The following AGMO variants were observed in gnomAD, a reference collection of about 807,000 sequenced individuals.
The protein encoded by AGMO is glyceryl-ether monooxygenase.
Under a neutral mutation model 60.2 loss-of-function variants are expected in AGMO, and 75 were observed. That is an observed-to-expected ratio of 1.25 (90% CI 1.03 to 1.51). The LOEUF (loss-of-function observed/expected upper bound fraction) is 1.51. Among genes scored for constraint, AGMO ranks in the 40% most tolerant of loss-of-function variants. The probability of loss-of-function intolerance (pLI) is 0.00; values close to 1 mark genes in which losing one functional copy is unlikely to be tolerated. For missense variants in AGMO, 763 were observed against 525.5 expected (o/e 1.45, Z -4.42); for synonymous variants, 261 against 177.1 (o/e 1.47, Z -3.76).
intron 3 of AGMO, among the ~76,000 whole-genome samples, chr7:15,497,611 A>G (rs1783267109): frequency 6.6e-6 from 1 of 152,034 alleles, no homozygotes. Context: ...ATTACAACAC[A>G]GTGTGTGTGC....
intron 3 of AGMO, among the ~76,000 whole-genome samples, chr7:15,507,153 G>C (rs2128528265): frequency 6.6e-6 from 1 of 152,058 alleles, no homozygotes; most frequent in South Asian, 2.1e-4. Flanking sequence ...AGTACAAACT[G>C]CTACAAAAGT....
intron 3 of AGMO, among the ~76,000 whole-genome samples, chr7:15,462,953 G>C (rs1239873430): frequency 6.6e-6 from 1 of 152,108 alleles, no homozygotes; most frequent in Non-Finnish European, 1.5e-5. Context: ...AGGTTGTTTG[G>C]ATTCCCCAGG....
chr7:15,516,333 T>C lies in AGMO; in HGVS notation c.409+28439A>G, dbSNP rs117123837. On this transcript the variant is annotated intron_variant, in intron 3 of 12. Transcript: ENST00000342526. ...ATATTTTTTAAATGATTCATTTCTATTTTACGGTAAAAATGAATTCATCAC... is the reference window on the plus strand; with the variant it reads ...ATATTTTTTAAATGATTCATTTCTACTTTACGGTAAAAATGAATTCATCAC... 6.1e-3 allele frequency among the ~76,000 whole-genome samples: 933 copies of C among 152,302 alleles called. 4 individuals carry two copies. Among genetic ancestry groups the C allele is most frequent in the Non-Finnish European group, 9.7e-3 (663 of 68,020 alleles).
At chr7:15,499,163 G>C (rs1783312803) in intron 3 of AGMO, among the ~76,000 whole-genome samples, 1 of 151,802 alleles carries the variant, frequency 6.6e-6, no homozygotes, top group Non-Finnish European at 1.5e-5. Flanking sequence ...GCACATTTCT[G>C]CCTGTCTTTT....
chr7:15,391,868 G>C (rs1001903075), intron 6 of AGMO, among the ~76,000 whole-genome samples: 3 of 152,136 alleles, frequency 2.0e-5, no homozygotes, highest in Admixed American at 2.0e-4. Context: ...GTGGGGGCCA[G>C]TGACGTTGCT....
intron 5 of AGMO, among the ~76,000 whole-genome samples, chr7:15,417,750 G>T (rs1271092470): frequency 6.6e-6 from 1 of 152,138 alleles, no homozygotes; most frequent in African/African-American, 2.4e-5. Flanking sequence ...GCACTTTGTT[G>T]TATCAAGATT....
At chr7:15,494,592 A>G (rs530703279) in intron 3 of AGMO, among the ~76,000 whole-genome samples, 3 of 152,346 alleles carry the variant, frequency 2.0e-5, no homozygotes, top group East Asian at 1.9e-4. Context: ...CATGTGCCAC[A>G]TGGGAGAAGC....
chr7:15,173,121 A>C, the AGMO span, among the ~76,000 whole-genome samples: 1 of 152,164 alleles, frequency 6.6e-6, no homozygotes, highest in Non-Finnish European at 1.5e-5. Context: ...TATTGAAGTA[A>C]ATCTATTGAA....
At chr7:15,192,040 G>A in the AGMO span, among the ~76,000 whole-genome samples, 67 of 151,472 alleles carry the variant, frequency 4.4e-4, 1 homozygote, top group East Asian at 0.012. Context: ...GTTTTAATAT[G>A]TTGGCAAATT....
intron 4 of AGMO, among the ~76,000 whole-genome samples, chr7:15,425,830 A>C (rs1206864507): frequency 3.9e-5 from 6 of 152,176 alleles, no homozygotes; most frequent in Non-Finnish European, 7.3e-5. Context: ...AATCTTATAA[A>C]ATTAATTTCA....
At chr7:15,400,227 T>G (rs962913110) in intron 5 of AGMO, among the ~76,000 whole-genome samples, 7 of 152,152 alleles carry the variant, frequency 4.6e-5, no homozygotes, top group African/African-American at 1.2e-4. Flanking sequence ...CCTCTCATAC[T>G]CTTATTTCTT....
chr7:15,317,675 T>C (rs1780967326), intron 12 of AGMO, among the ~76,000 whole-genome samples: 1 of 151,978 alleles, frequency 6.6e-6, no homozygotes, highest in Non-Finnish European at 1.5e-5. Flanking sequence ...AGGACTTTCA[T>C]TTATTCATTA....
chr7:15,357,126 A>C (rs1364466357), intron 12 of AGMO, among the ~76,000 whole-genome samples: 1 of 151,836 alleles, frequency 6.6e-6, no homozygotes, highest in East Asian at 1.9e-4. Flanking sequence ...AAAAAAAAGA[A>C]AAAAATAGAC....
At chr7:15,269,702 C>T (rs765576231) in intron 12 of AGMO, among the ~76,000 whole-genome samples, 2 of 151,918 alleles carry the variant, frequency 1.3e-5, no homozygotes, top group Non-Finnish European at 2.9e-5. Flanking sequence ...CTAGTGTATC[C>T]GTCAGCCAAG....
intron 12 of AGMO, among the ~76,000 whole-genome samples, chr7:15,303,033 G>GA (rs1378440712): frequency 1.3e-5 from 2 of 152,092 alleles, no homozygotes; most frequent in African/African-American, 2.4e-5. Context: ...GATGGTCAAT[G>GA]AAAACCCAGG....
At chr7:15,452,858 T>A (rs1583567665) in intron 3 of AGMO, among the ~76,000 whole-genome samples, 1 of 152,132 alleles carries the variant, frequency 6.6e-6, no homozygotes, top group Non-Finnish European at 1.5e-5. Context: ...ATAAATAAAT[T>A]GTGGTATATC....
At chr7:15,531,289 T>C (rs1285095253) in intron 3 of AGMO, among the ~76,000 whole-genome samples, 1 of 102,558 alleles carries the variant, frequency 9.8e-6, no homozygotes, top group Non-Finnish European at 1.7e-5. Flanking sequence ...ACATATTCTC[T>C]AAAAATATTC....
At chr7:15,267,734 T>C (rs193258105) in intron 12 of AGMO, among the ~76,000 whole-genome samples, 21 of 151,996 alleles carry the variant, frequency 1.4e-4, no homozygotes, top group Admixed American at 7.9e-4. Context: ...AACTGGAACA[T>C]TGAAGAGCAG....
chr7:15,477,314 T>A (rs1782622365), intron 3 of AGMO, among the ~76,000 whole-genome samples: 2 of 152,094 alleles, frequency 1.3e-5, no homozygotes, highest in Admixed American at 1.3e-4. Context: ...AACAGTTAAC[T>A]AAAATGGGTT....
Sources: allele counts gnomAD v4.1 joint callset (sites outside exome capture counted in the v4.1 genomes callset), GRCh38; gene constraint gnomAD v4.1.1; transcripts MANE v1.5; gene names NCBI Gene and HGNC (gene_info 2026-07-23, HGNC 2026-07-21).